Variants in SMAP1 observed in about 807,000 individuals in gnomAD.
The protein encoded by SMAP1 is stromal membrane-associated protein 1.
In SMAP1, 24 loss-of-function variants were observed where a neutral mutation model predicts 58.5. The observed-to-expected ratio is 0.41, with a 90% CI of 0.30 to 0.58. The LOEUF (loss-of-function observed/expected upper bound fraction) is 0.58. SMAP1 is among the 20% of genes least tolerant of loss of function. The pLI is 0.29. For missense variants in SMAP1, 563 were observed against 566.3 expected, an observed-to-expected ratio of 0.99 and a Z score of 0.06; for synonymous variants, 216 against 196.6, an observed-to-expected ratio of 1.10 and a Z score of -0.82.
At chr6:70,716,454 C>CT (rs1768273567) in intron 1 of SMAP1, among the ~76,000 whole-genome samples, 2 of 152,184 alleles carry the variant, frequency 1.3e-5, no homozygotes, top group Admixed American at 1.3e-4. Flanking sequence ...CACCACTCAC[C>CT]TCCTGCTGTG....
chr6:70,758,480 C>A (rs1485382698), intron 3 of SMAP1, among the ~76,000 whole-genome samples: 3 of 151,526 alleles, frequency 2.0e-5, no homozygotes, highest in Non-Finnish European at 1.5e-5. Flanking sequence ...TGTAACTAAC[C>A]TGCACATTGT....
In SMAP1 at chr6:70,837,028, G is replaced by C; in HGVS notation, c.664G>C (p.Asp222His). Reference protein sequence around the residue: ...AEPTVDLLGLDGPAVAPVTNG... With the variant: ...AEPTVDLLGLHGPAVAPVTNG... ...GCCCACTGTGGATCTTTTAGGACTT[G>C]GTAAGTAATAAAAAATAAAAGTCAC... Residue 222 changes from aspartate (D) to histidine (H), a missense_variant and splice_region_variant, in exon 7 of 11, where the codon GAT (aspartate) becomes CAT (histidine). Asp to His is a moderately conservative substitution (Grantham distance 81). This residue lies in a region of SMAP1 where 494 missense variants were observed against 473.8 expected (regional missense o/e 1.04). Transcript: ENST00000370455. 6.4e-7 allele frequency: 1 copy of C among 1,568,210 alleles called. No homozygotes were observed. The highest frequency in any genetic ancestry group is 1.9e-5 in the Admixed American group (1 of 53,490).
rs182618107 is a variant in SMAP1 at position 70,743,614 on chromosome 6, C to A, written c.252+11103C>A. 3.2e-4 allele frequency among the ~76,000 whole-genome samples: 48 copies of A among 152,134 alleles called. No individual in the cohort carries two copies. The Middle Eastern group carries it at 0.024, about 75-fold the overall frequency. The stretch of plus-strand genomic sequence containing the variant: ...TACATTTATTCAAGAAAACCATAGG[C>A]CAAAAAGCCTTTTTTCTTATTTTGT... On this transcript the variant is annotated intron_variant, in intron 2 of 10. Coordinates refer to ENST00000370455, the MANE Select transcript of SMAP1 (RefSeq NM_001044305.3).
intron 1 of SMAP1, among the ~76,000 whole-genome samples, chr6:70,726,304 C>G (rs1768781934): frequency 6.6e-6 from 1 of 152,152 alleles, no homozygotes; most frequent in South Asian, 2.1e-4. Context: ...CCTTTGTAAG[C>G]TAGAGACTGC....
At chr6:70,823,331 T>C (rs939236293) in intron 6 of SMAP1, among the ~76,000 whole-genome samples, 1 of 152,146 alleles carries the variant, frequency 6.6e-6, no homozygotes, top group African/African-American at 2.4e-5. Context: ...GCCCCTATGT[T>C]ATATACTTCA....
At chr6:70,746,527 G>T (rs1766049009) in intron 2 of SMAP1, among the ~76,000 whole-genome samples, 1 of 152,108 alleles carries the variant, frequency 6.6e-6, no homozygotes, top group Admixed American at 6.6e-5. Context: ...GAAGCTGACT[G>T]TATCCTGGTG....
intron 1 of SMAP1, among the ~76,000 whole-genome samples, chr6:70,696,912 G>T (rs1767428305): frequency 6.6e-6 from 1 of 152,072 alleles, no homozygotes; most frequent in Admixed American, 6.5e-5. Flanking sequence ...ATATATTTGG[G>T]TTTTACAGTG....
In SMAP1 at chr6:70,856,894, T is replaced by C. The variant is rs1771447494; in HGVS notation, c.825T>C (p.Ser275=). Residue 275 remains serine (S), a synonymous_variant, in exon 9 of 11, where the codon TCT becomes TCC. Coordinates refer to ENST00000370455, the MANE Select transcript of SMAP1 (RefSeq NM_001044305.3). ...TPSAPAAATL[S]TVTSGDLDLF... ...CTGCACCAGCAGCTGCAACCCTGTC[T>C]ACAGTAACATCTGGGGATCTAGATT... 6.2e-7 allele frequency: 1 copy of C among 1,613,682 alleles called. No individual in the cohort carries two copies. Among genetic ancestry groups the C allele is most frequent in the Non-Finnish European group, 8.5e-7 (1 of 1,179,786 alleles).
At chr6:70,803,291 G>A (rs1486945706) in intron 6 of SMAP1, among the ~76,000 whole-genome samples, 2 of 152,182 alleles carry the variant, frequency 1.3e-5, no homozygotes, top group Non-Finnish European at 2.9e-5. Flanking sequence ...TTGCGTAGAG[G>A]TGTTTGTCGT....
intron 2 of SMAP1, among the ~76,000 whole-genome samples, chr6:70,740,091 C>G (rs998802445): frequency 6.6e-6 from 1 of 152,076 alleles, no homozygotes; most frequent in Non-Finnish European, 1.5e-5. Flanking sequence ...CATTGTAGAG[C>G]TATTATTCTT....
chr6:70,710,313 A>G (rs1768000753), intron 1 of SMAP1, among the ~76,000 whole-genome samples: 1 of 152,016 alleles, frequency 6.6e-6, no homozygotes, highest in Non-Finnish European at 1.5e-5. Context: ...CAACATGGTG[A>G]AACCCCATCT....
intron 10 of SMAP1, chr6:70,859,445 C>T (rs1425329387): frequency 2.2e-6 from 3 of 1,378,364 alleles, no homozygotes; most frequent in Non-Finnish European, 3.0e-6. Context: ...CTTCTTCAGA[C>T]ACTTATGCCT....
chr6:70,826,266 A>G (rs1349192931), intron 6 of SMAP1, among the ~76,000 whole-genome samples: 1 of 152,238 alleles, frequency 6.6e-6, no homozygotes, highest in Non-Finnish European at 1.5e-5. Context: ...TCTTTGAGAA[A>G]TGCTACAAAC....
chr6:70,789,242 T>A (rs1768229686), intron 4 of SMAP1, among the ~76,000 whole-genome samples: 1 of 152,180 alleles, frequency 6.6e-6, no homozygotes, highest in Non-Finnish European at 1.5e-5. Flanking sequence ...GATCAATGAA[T>A]TTTTACAAAT....
chr6:70,689,916 C>T lies in SMAP1; in HGVS notation c.118+21775C>T, dbSNP rs186048092. Among the ~76,000 whole-genome samples the T allele has an allele frequency of 1.8e-4, 28 of 152,256 alleles. No individual in the cohort carries two copies. In the East Asian group the frequency reaches 2.7e-3, roughly 15 times the overall value. On this transcript the variant is annotated intron_variant, in intron 1 of 10. Transcript: ENST00000370455. ...GCTGCATACTTAGGACATCTTGCAACTTAGTTAACCTCATTTATTTGTTTT... is the reference window on the plus strand; with the variant it reads ...GCTGCATACTTAGGACATCTTGCAATTTAGTTAACCTCATTTATTTGTTTT...
intron 3 of SMAP1, among the ~76,000 whole-genome samples, chr6:70,756,771 G>T (rs1766509352): frequency 6.6e-6 from 1 of 152,150 alleles, no homozygotes; most frequent in South Asian, 2.1e-4. Flanking sequence ...ATTCACAGTT[G>T]CTTCAAAGAG....
At chr6:70,781,558 C>G (rs921351385) in intron 4 of SMAP1, among the ~76,000 whole-genome samples, 1 of 152,154 alleles carries the variant, frequency 6.6e-6, no homozygotes, top group Non-Finnish European at 1.5e-5. Context: ...AAAACACATC[C>G]AGGAATTTCT....
chr6:70,672,027 G>A (rs1581973084), intron 1 of SMAP1, among the ~76,000 whole-genome samples: 1 of 152,212 alleles, frequency 6.6e-6, no homozygotes, highest in African/African-American at 2.4e-5. Context: ...ATATTGAGAG[G>A]GTAAGCTCAT....
At chr6:70,771,419 A>G (rs942105893) in intron 3 of SMAP1, among the ~76,000 whole-genome samples, 1 of 152,218 alleles carries the variant, frequency 6.6e-6, no homozygotes, top group African/African-American at 2.4e-5. Flanking sequence ...TGGAGCTTCC[A>G]GGCTGCTTTG....
Sources: allele counts gnomAD v4.1 joint callset (sites outside exome capture counted in the v4.1 genomes callset), GRCh38; gene constraint gnomAD v4.1.1; regional missense constraint gnomAD v4.1.1; transcripts MANE v1.5; gene names NCBI Gene and HGNC (gene_info 2026-07-23, HGNC 2026-07-21).